The following NDUFS2 variants were observed in gnomAD, a reference collection of about 807,000 sequenced individuals.
NDUFS2 encodes the protein NADH dehydrogenase [ubiquinone] iron-sulfur protein 2, mitochondrial.
NDUFS2 carries 38 observed loss-of-function variants against 69.6 expected under a neutral mutation model. That is an observed-to-expected ratio of 0.55 (90% CI 0.42 to 0.72). The LOEUF (loss-of-function observed/expected upper bound fraction) is 0.72. Ranked by LOEUF, NDUFS2 falls within the 30% of genes least tolerant of loss-of-function variation. NDUFS2 has a pLI of 0.00. For missense variants in NDUFS2, 468 were observed against 595.0 expected (o/e 0.79, Z 2.22); for synonymous variants, 194 against 211.2 (o/e 0.92, Z 0.70).
Position 161,202,368 on chromosome 1 carries a change from G to C in NDUFS2, c.-18G>C. 1 of 1,606,202 alleles carries C rather than the reference G, an allele frequency of 6.2e-7. No homozygotes were observed. The highest frequency in any genetic ancestry group is 1.7e-5 in the Admixed American group (1 of 58,820). ...CTTCCGCCCGGTTCTCCTTCCCGCA[G>C]TCTGCAGCCGGAGTAAGATGGCGGC... On this transcript the variant is annotated 5_prime_UTR_variant, in exon 1 of 14. Coordinates refer to ENST00000676972, the MANE Select transcript of NDUFS2 (RefSeq NM_001377299.1).
At chr1:161,208,243 C>G (rs1665583524) in intron 3 of NDUFS2, among the ~76,000 whole-genome samples, 2 of 151,850 alleles carry the variant, frequency 1.3e-5, no homozygotes, top group African/African-American at 4.8e-5. Flanking sequence ...CTTGGCCTCC[C>G]AAAGTGCTGG....
upstream of NDUFS2, among the ~76,000 whole-genome samples, chr1:161,201,748 C>T (rs1665133383): frequency 6.6e-6 from 1 of 152,178 alleles, no homozygotes; most frequent in African/African-American, 2.4e-5. Context: ...TGAGGTGGCT[C>T]CTACACACCC....
intron 2 of NDUFS2, among the ~76,000 whole-genome samples, chr1:161,205,107 C>G (rs1665389444): frequency 1.3e-5 from 2 of 151,722 alleles, no homozygotes; most frequent in Non-Finnish European, 2.9e-5. Flanking sequence ...CTGTCAGACT[C>G]CAAAGCCCAT....
At position 161,209,894 on chromosome 1, in the gene NDUFS2, T is replaced by G; in HGVS notation, c.665T>G (p.Met222Arg). The G allele has an allele frequency of 2.5e-6, 4 of 1,614,114 alleles. No homozygotes were observed. Among genetic ancestry groups the G allele is most frequent in the Non-Finnish European group, 3.4e-6 (4 of 1,180,032 alleles). The change falls in exon 6 of 14, where the codon ATG (methionine) becomes AGG (arginine). Residue 222 changes from methionine to arginine, a missense_variant. Met to Arg is a moderately conservative substitution (Grantham distance 91). Coordinates refer to ENST00000676972, the MANE Select transcript of NDUFS2 (RefSeq NM_001377299.1). Reference sequence around the variant, plus strand: ...TACGAGCGAGTGTCTGGAGCCCGAATGCATGCTGCTTATATCCGGCCAGGA... The same window carrying G: ...TACGAGCGAGTGTCTGGAGCCCGAAGGCATGCTGCTTATATCCGGCCAGGA... ...EFYERVSGAR[M>R]HAAYIRPGGV...
rs1280884114 is a variant in NDUFS2, at chr1:161,207,957, G to A, written c.394-1236G>A. On this transcript the variant is annotated intron_variant, in intron 3 of 13. Coordinates refer to ENST00000676972, the MANE Select transcript of NDUFS2 (RefSeq NM_001377299.1). Reference sequence around the variant, plus strand: ...CCAGAGTAGCCAGGATTATAGGCACGCACCACCATGCCTGGCTAATTTTTT... The same window carrying A: ...CCAGAGTAGCCAGGATTATAGGCACACACCACCATGCCTGGCTAATTTTTT... Among the ~76,000 whole-genome samples the A allele has an allele frequency of 4.3e-5, 6 of 139,632 alleles. No homozygotes were observed. The Admixed American group carries it at 4.4e-4, about 10-fold the overall frequency. 91.6% of individuals were successfully genotyped at this position (139,632 alleles called of 152,430 possible).
At chr1:161,202,786 C>A (rs1433475156) in intron 1 of NDUFS2, among the ~76,000 whole-genome samples, 1 of 152,202 alleles carries the variant, frequency 6.6e-6, no homozygotes, top group Admixed American at 6.5e-5. Context: ...CTCGCTGTCT[C>A]TCTGTCGTTG....
Position 161,213,873 on chromosome 1 carries a change from G to A in NDUFS2, c.1306G>A (p.Asp436Asn), listed in dbSNP as rs751015488. 5.0e-6 allele frequency: 8 copies of A among 1,614,066 alleles called. No homozygotes were observed. Among genetic ancestry groups the A allele is most frequent in the African/African-American group, 4.0e-5 (3 of 74,910 alleles). The stretch of plus-strand genomic sequence containing the variant: ...ATCTCAATCTCCCTAGGCTGGTTTG[G>A]ACAAGATGTCTAAGGGACACATGTT... The part of the protein sequence containing the change: ...APGFAHLAGL[D>N]KMSKGHMLAD... The change falls in exon 13 of 14, where the codon GAC (aspartate) becomes AAC (asparagine). Residue 436 changes from aspartate to asparagine, a missense_variant. Physicochemically the swap from Asp to Asn is conservative, Grantham distance 23. Coordinates refer to ENST00000676972, the MANE Select transcript of NDUFS2 (RefSeq NM_001377299.1).
In NDUFS2 at chr1:161,206,606, G is replaced by C; in HGVS notation, c.393+9G>C. On this transcript the variant is annotated intron_variant, in intron 3 of 13. Transcript: ENST00000676972. Reference sequence around the variant, plus strand: ...ACAAGACCTATCTTCAGGTGTGGGGGGTGAACAGGAGCCTTTTGGCGGGAT... The same window carrying C: ...ACAAGACCTATCTTCAGGTGTGGGGCGTGAACAGGAGCCTTTTGGCGGGAT... 1 of 1,612,514 alleles carries C rather than the reference G, an allele frequency of 6.2e-7. No homozygotes were observed. Among genetic ancestry groups the C allele is most frequent in the Non-Finnish European group, 8.5e-7 (1 of 1,179,804 alleles).
intron 2 of NDUFS2, among the ~76,000 whole-genome samples, chr1:161,205,008 G>A (rs1211697326): frequency 6.6e-6 from 1 of 151,000 alleles, no homozygotes; most frequent in Non-Finnish European, 1.5e-5. Flanking sequence ...CCGAGATCAC[G>A]CCATTGCACT....
rs1335942567 is a variant in NDUFS2 at position 161,213,698 on chromosome 1, G to A, written c.1262G>A (p.Arg421Gln). 6.2e-7 allele frequency: 1 copy of A among 1,614,040 alleles called. No homozygotes were observed. Among genetic ancestry groups the A allele is most frequent in the Non-Finnish European group, 8.5e-7 (1 of 1,180,038 alleles). ...TCTGATGGCAGCAGCCGCCCTTATC[G>A]ATGCAAGATCAAGGCTCCTGGTTTT... The part of the protein sequence containing the change: ...LVSDGSSRPY[R>Q]CKIKAPGFAH... Residue 421 changes from arginine to glutamine, a missense_variant, in exon 12 of 14, where the codon CGA becomes CAA. By Grantham distance (43) the Arg-to-Gln change is conservative. Coordinates refer to ENST00000676972, the MANE Select transcript of NDUFS2 (RefSeq NM_001377299.1).
chr1:161,208,565 G>T (rs993181906), intron 3 of NDUFS2, among the ~76,000 whole-genome samples: 8 of 152,270 alleles, frequency 5.3e-5, no homozygotes, highest in African/African-American at 1.4e-4. Context: ...CTCCCAAAGT[G>T]TTGGGATTAC....
intron 10 of NDUFS2, 27 bp downstream of exon 10, chr1:161,212,507 G>A (rs1261005180): frequency 6.2e-7 from 1 of 1,608,202 alleles, no homozygotes; most frequent in Non-Finnish European, 8.5e-7. Flanking sequence ...GGGAAAGTGT[G>A]GGGTGTTGGA....
At chr1:161,202,169 G>A (rs1421507464), upstream of NDUFS2, 1 of 605,792 alleles carries the variant, frequency 1.7e-6, no homozygotes, top group Non-Finnish European at 3.0e-6. Context: ...GGAGCTGTGG[G>A]AGGAAACGCC....
rs1462920153 is a variant in NDUFS2 at position 161,206,513 on chromosome 1, G to A, written c.309G>A (p.Gly103=). The part of the protein sequence containing the change: ...GVLRLVMELS[G]EMVRKCDPHI... ...TGCGACTAGTGATGGAATTGAGTGG[G>A]GAGATGGTGCGGAAGTGTGATCCTC... The change falls in exon 3 of 14, where the codon GGG becomes GGA. Residue 103 remains glycine, a synonymous_variant. Coordinates refer to ENST00000676972, the MANE Select transcript of NDUFS2 (RefSeq NM_001377299.1). The A allele has an allele frequency of 6.2e-7, 1 of 1,614,242 alleles. No individual in the cohort carries two copies. Among genetic ancestry groups the A allele is most frequent in the South Asian group, 1.1e-5 (1 of 91,088 alleles).
intron 1 of NDUFS2, 129 bp downstream of exon 1, chr1:161,202,609 C>A: frequency 9.8e-7 from 1 of 1,021,764 alleles, no homozygotes. Context: ...ATTTCTTGGG[C>A]TACGGGATGC....
chr1:161,206,580 T>C lies in NDUFS2; in HGVS notation c.376T>C (p.Tyr126His), dbSNP rs910917366. Reference sequence around the variant, plus strand: ...CCGAGGCACTGAGAAGCTCATTGAATACAAGACCTATCTTCAGGTGTGGGG... The same window carrying C: ...CCGAGGCACTGAGAAGCTCATTGAACACAAGACCTATCTTCAGGTGTGGGG... ...LHRGTEKLIE[Y>H]KTYLQALPYF... Residue 126 changes from tyrosine to histidine, a missense_variant, in exon 3 of 14, where the codon TAC becomes CAC. This residue lies in a region of NDUFS2 where 339 missense variants were observed against 433.8 expected (regional missense o/e 0.78). Transcript: ENST00000676972. 1.7e-5 allele frequency: 28 copies of C among 1,613,570 alleles called. No individual in the cohort carries two copies. Among genetic ancestry groups the C allele is most frequent in the Non-Finnish European group, 2.1e-5 (25 of 1,180,018 alleles).
At chr1:161,212,273 T>C (rs761268730) in intron 9 of NDUFS2, 78 bp from the exon 10 acceptor site, 13 of 1,586,068 alleles carry the variant, frequency 8.2e-6, no homozygotes, top group African/African-American at 2.7e-5. Context: ...CCTTTTGAGG[T>C]TGGCCAAAGG....
chr1:161,210,469 C>A, intron 8 of NDUFS2, 80 bp downstream of exon 8: 1 of 1,602,564 alleles, frequency 6.2e-7, no homozygotes, highest in South Asian at 1.1e-5. Context: ...TCTTTGAAGA[C>A]TTGTTGGCAT....
intron 9 of NDUFS2, 75 bp downstream of exon 9, chr1:161,210,785 T>G: frequency 1.2e-6 from 2 of 1,606,034 alleles, no homozygotes; most frequent in South Asian, 2.2e-5. Flanking sequence ...GCCACTTCCT[T>G]CTTTACCCTA....
Sources: allele counts gnomAD v4.1 joint callset (sites outside exome capture counted in the v4.1 genomes callset), GRCh38; gene constraint gnomAD v4.1.1; regional missense constraint gnomAD v4.1.1; transcripts MANE v1.5; gene names NCBI Gene and HGNC (gene_info 2026-07-23, HGNC 2026-07-21).